The following PCYT1A variants were observed in gnomAD, a reference collection of about 807,000 sequenced individuals.
PCYT1A encodes phosphate cytidylyltransferase 1A, choline, also known as choline-phosphate cytidylyltransferase A.
Under a neutral mutation model 43.7 loss-of-function variants are expected in PCYT1A, and 25 were observed. The ratio of observed to expected loss-of-function variants is 0.57; its 90% CI spans 0.42 to 0.80. The LOEUF (loss-of-function observed/expected upper bound fraction) is 0.80, where lower values mean the gene tolerates loss of function less well. Among genes scored for constraint, PCYT1A ranks in the 30% least tolerant of loss-of-function variants. The pLI, the probability that PCYT1A is intolerant of heterozygous loss-of-function variation, is 0.00. For missense variants in PCYT1A, 421 were observed against 474.2 expected (o/e 0.89, Z 1.04); for synonymous variants, 172 against 170.7 (o/e 1.01, Z -0.06).
rs544002619 is a variant in PCYT1A at position 196,242,252 on chromosome 3, G to A, written c.566-162C>T. 4.9e-5 allele frequency: 35 copies of A among 707,208 alleles called. No homozygotes were observed. The highest frequency in any genetic ancestry group is 7.2e-5 in the Non-Finnish European group (30 of 418,152). 43.8% of individuals were successfully genotyped at this position (707,208 alleles called of 1,614,324 possible). A position where few individuals can be genotyped will look rare whatever the true frequency, so the allele number is the denominator to read the frequency against. On this transcript the variant is annotated intron_variant, in intron 6 of 8. Transcript: ENST00000431016. This position sits in a 1 kb window ranked among gnomAD's most constrained non-coding sequence, Gnocchi z 4.2. Reference sequence around the variant, plus strand: ...GATACTGATATACAGAAGGTAGACCGAATCAAAGGCCAGAGGTAAGGCAAA... The same window carrying A: ...GATACTGATATACAGAAGGTAGACCAAATCAAAGGCCAGAGGTAAGGCAAA...
chr3:196,244,219 G>GGCA (rs1724473307), intron 5 of PCYT1A, among the ~76,000 whole-genome samples: 1 of 146,976 alleles, frequency 6.8e-6, no homozygotes, highest in African/African-American at 2.5e-5. Flanking sequence ...GCCTCTGCCC[G>GGCA]GCCACGACCC....
intron 2 of PCYT1A, among the ~76,000 whole-genome samples, chr3:196,267,525 G>A (rs550915833): frequency 1.2e-4 from 18 of 152,124 alleles, no homozygotes; most frequent in Non-Finnish European, 2.5e-4. Context: ...ACCAGTCTGG[G>A]TAACATAGTG....
intron 3 of PCYT1A, among the ~76,000 whole-genome samples, chr3:196,256,696 C>T (rs762273909): frequency 3.3e-5 from 5 of 151,974 alleles, no homozygotes; most frequent in Admixed American, 6.6e-5. Flanking sequence ...CCCACCACCA[C>T]GCCCAGCTAA....
chr3:196,266,173 T>C (rs952155304), intron 2 of PCYT1A, among the ~76,000 whole-genome samples: 1 of 152,002 alleles, frequency 6.6e-6, no homozygotes, highest in Non-Finnish European at 1.5e-5. Context: ...TACTAGCGCA[T>C]TGTAAATATG....
In PCYT1A at chr3:196,250,358, C is replaced by G. The variant is rs531482367; in HGVS notation, c.218-2035G>C. On this transcript the variant is annotated intron_variant, in intron 3 of 8. Coordinates refer to ENST00000431016, the MANE Select transcript of PCYT1A (RefSeq NM_001312673.2). ...GAGGATCAGATACACTATGCTGAGG[C>G]TGAGGATCAGATACACTATGCTGAG... Among the ~76,000 whole-genome samples, 158 of 151,112 alleles carry G rather than the reference C, an allele frequency of 1.0e-3. 2 individuals are homozygous for G. Among genetic ancestry groups the G allele is most frequent in the South Asian group, 2.7e-3 (13 of 4,762 alleles).
intron 2 of PCYT1A, among the ~76,000 whole-genome samples, chr3:196,258,667 A>C (rs2108772223): frequency 6.6e-6 from 1 of 151,314 alleles, no homozygotes; most frequent in South Asian, 2.1e-4. Context: ...AGCTCACTGC[A>C]ACCTCCAACT....
intron 3 of PCYT1A, among the ~76,000 whole-genome samples, chr3:196,248,602 T>C (rs1280064385): frequency 1.3e-4 from 20 of 151,782 alleles, no homozygotes; most frequent in Admixed American, 1.1e-3. Flanking sequence ...GAATTCCTGG[T>C]CTCAAATGAC....
intron 5 of PCYT1A, among the ~76,000 whole-genome samples, chr3:196,244,016 C>G (rs1443214463): frequency 9.4e-5 from 14 of 149,444 alleles, no homozygotes; most frequent in African/African-American, 3.0e-4. Context: ...TGTGAGGAGC[C>G]CCTCTGCCCG....
chr3:196,262,181 A>G (rs140366219), intron 2 of PCYT1A, among the ~76,000 whole-genome samples: 1 of 152,324 alleles, frequency 6.6e-6, no homozygotes, highest in East Asian at 1.9e-4. Context: ...TCTTAAGACT[A>G]TCTGGTAGTG....
At chr3:196,278,484 G>A (rs1433582882) in intron 1 of PCYT1A, among the ~76,000 whole-genome samples, 2 of 152,118 alleles carry the variant, frequency 1.3e-5, no homozygotes, top group Admixed American at 1.3e-4. Context: ...GGAAATGATC[G>A]CGCCTCCTCA....
At chr3:196,262,391 A>G (rs1725136919) in intron 2 of PCYT1A, among the ~76,000 whole-genome samples, 1 of 152,140 alleles carries the variant, frequency 6.6e-6, no homozygotes, top group Non-Finnish European at 1.5e-5. Flanking sequence ...AATTAGCATA[A>G]TGTTTCACAA....
chr3:196,254,621 G>A (rs757824797), intron 3 of PCYT1A, among the ~76,000 whole-genome samples: 1 of 152,098 alleles, frequency 6.6e-6, no homozygotes, highest in Non-Finnish European at 1.5e-5. Context: ...AAAGTGCTGG[G>A]ATTATAGGCA....
chr3:196,248,952 G>C (rs1724661736), intron 3 of PCYT1A, among the ~76,000 whole-genome samples: 1 of 151,160 alleles, frequency 6.6e-6, no homozygotes, highest in East Asian at 2.0e-4. Context: ...AGTAGAGATG[G>C]GGTTTCACAG....
intron 2 of PCYT1A, among the ~76,000 whole-genome samples, chr3:196,265,598 C>T (rs1400768271): frequency 6.6e-6 from 1 of 152,132 alleles, no homozygotes; most frequent in African/African-American, 2.4e-5. Context: ...CTATTCCTTT[C>T]TTTACATGCA....
rs773484634 is a variant in PCYT1A, at chr3:196,273,681, T to A, written c.-10-3140A>T. On this transcript the variant is annotated intron_variant, in intron 1 of 8. Coordinates refer to ENST00000431016, the MANE Select transcript of PCYT1A (RefSeq NM_001312673.2). The surrounding 1 kb of genome is among the most constrained non-coding windows in gnomAD (Gnocchi z 4.1). ...GAAGCTCCTATCCGCAGGCAGGTCA[T>A]CCCATCAAGTATGGCTGAGTCCAGG... 6.6e-6 allele frequency among the ~76,000 whole-genome samples: 1 copy of A among 152,120 alleles called. No individual in the cohort carries two copies. Among genetic ancestry groups the A allele is most frequent in the Non-Finnish European group, 1.5e-5 (1 of 68,006 alleles).
In PCYT1A at chr3:196,242,525, T is replaced by C; in HGVS notation, c.565+37A>G. On this transcript the variant is annotated intron_variant, in intron 6 of 8. Coordinates refer to ENST00000431016, the MANE Select transcript of PCYT1A (RefSeq NM_001312673.2). This position sits in a 1 kb window ranked among gnomAD's most constrained non-coding sequence, Gnocchi z 4.2. Reference sequence around the variant, plus strand: ...CATGGCTGAACATCTGCAGCTGCCCTGAGATCCCCTACAGTGAGGAAGCAC... The same window carrying C: ...CATGGCTGAACATCTGCAGCTGCCCCGAGATCCCCTACAGTGAGGAAGCAC... 7.5e-7 allele frequency: 1 copy of C among 1,329,730 alleles called. No individual in the cohort carries two copies. Among genetic ancestry groups the C allele is most frequent in the South Asian group, 1.2e-5 (1 of 85,286 alleles). The allele number at this position is 1,329,730 out of a possible 1,614,324, so 82.4% of individuals were successfully genotyped here. A position where few individuals can be genotyped will look rare whatever the true frequency, so the allele number is the denominator to read the frequency against.
In PCYT1A at chr3:196,244,766, G is replaced by A. The variant is rs1025259758; in HGVS notation, c.487-2126C>T. ...TACTAAGAAAAATTCTTCTGCCTTG[G>A]GATCCTGTTGATCTGTGACCTTACC... On this transcript the variant is annotated intron_variant, in intron 5 of 8. Transcript: ENST00000431016. Among the ~76,000 whole-genome samples, 10 of 152,300 alleles carry A rather than the reference G, an allele frequency of 6.6e-5. No individual in the cohort carries two copies. In the East Asian group the frequency reaches 1.5e-3, roughly 23 times the overall value.
intron 2 of PCYT1A, chr3:196,267,302 T>C (rs1286343006): frequency 2.2e-6 from 1 of 456,326 alleles, no homozygotes; most frequent in African/African-American, 2.0e-5. Flanking sequence ...TTTGTATGAA[T>C]GTCCAGAACA....
chr3:196,266,176 T>C (rs1161915494), intron 2 of PCYT1A, among the ~76,000 whole-genome samples: 1 of 151,904 alleles, frequency 6.6e-6, no homozygotes, highest in Non-Finnish European at 1.5e-5. Flanking sequence ...TAGCGCATTG[T>C]AAATATGCAA....
Sources: gnomAD v4.1 joint callset for allele counts (sites outside exome capture counted in the v4.1 genomes callset) on GRCh38, gnomAD v4.1.1 for gene constraint, Gnocchi (gnomAD v3.1) non-coding constraint, MANE v1.5 for transcripts, NCBI Gene and HGNC (gene_info 2026-07-23, HGNC 2026-07-21) for gene names.